PNPT1: variants seen among roughly 807,000 people sequenced by gnomAD.
The protein encoded by PNPT1 is polyribonucleotide nucleotidyltransferase 1, mitochondrial.
In PNPT1, 53 loss-of-function variants were observed where a neutral mutation model predicts 119.5. The ratio of observed to expected loss-of-function variants is 0.44; its 90% CI spans 0.36 to 0.56. The LOEUF (loss-of-function observed/expected upper bound fraction) is 0.56, where lower values mean the gene tolerates loss of function less well. Ranked by LOEUF, PNPT1 falls within the 20% of genes least tolerant of loss-of-function variation. The pLI is 0.00. For missense variants in PNPT1, 948 were observed against 938.5 expected (o/e 1.01, Z -0.13); for synonymous variants, 357 against 322.1 (o/e 1.11, Z -1.16).
rs767608725 is a variant in PNPT1, at chr2:55,643,177, C to T, written c.2050G>A (p.Ala684Thr). The T allele has an allele frequency of 7.4e-6, 12 of 1,614,008 alleles. No homozygotes were observed. Among genetic ancestry groups the T allele is most frequent in the East Asian group, 4.5e-5 (2 of 44,878 alleles). ...QQLEFGAVYT[A>T]TITEIRDTGV... ...TATTACCTGATTTCAGTTATTGTGG[C>T]GGTATATACTGCTCCAAATTCTAAT... The change falls in exon 25 of 28, where the codon GCC (alanine) becomes ACC (threonine). Residue 684 changes from alanine to threonine, a missense_variant. Physicochemically the swap from Ala to Thr is moderately conservative, Grantham distance 58. Coordinates refer to ENST00000447944, the MANE Select transcript of PNPT1 (RefSeq NM_033109.5).
At chr2:55,681,925 G>A (rs1004222310) in intron 5 of PNPT1, among the ~76,000 whole-genome samples, 2 of 151,588 alleles carry the variant, frequency 1.3e-5, no homozygotes, top group South Asian at 2.1e-4. Context: ...GCAGATCACG[G>A]GGTCAGGAGA....
chr2:55,687,519 T>G (rs1213780445), intron 2 of PNPT1, 126 bp downstream of exon 2: 9 of 684,154 alleles, frequency 1.3e-5, no homozygotes, highest in Non-Finnish European at 2.0e-5. Context: ...AGAAATTATC[T>G]TAGTAGTATC....
At chr2:55,684,772 T>C (rs184357590) in intron 4 of PNPT1, among the ~76,000 whole-genome samples, 171 bp downstream of exon 4, 3 of 152,358 alleles carry the variant, frequency 2.0e-5, no homozygotes, top group African/African-American at 7.2e-5. Context: ...TAAAAGTTTT[T>C]TCTTTCACAG....
At chr2:55,678,771 C>T (rs944620845) in intron 8 of PNPT1, among the ~76,000 whole-genome samples, 33 of 152,134 alleles carry the variant, frequency 2.2e-4, no homozygotes, top group African/African-American at 7.7e-4. Context: ...TTATTTGGTT[C>T]GACAACACAA....
intron 1 of PNPT1, among the ~76,000 whole-genome samples, 180 bp from the exon 2 acceptor site, chr2:55,687,885 T>C (rs902587208): frequency 1.2e-4 from 19 of 152,250 alleles, no homozygotes; most frequent in Middle Eastern, 3.4e-3. Context: ...TAAGAGTGGC[T>C]TAAAGAAGAA....
intron 5 of PNPT1, among the ~76,000 whole-genome samples, chr2:55,681,508 T>G (rs757107574): frequency 6.6e-6 from 1 of 151,992 alleles, no homozygotes; most frequent in Admixed American, 6.6e-5. Flanking sequence ...AGTCCTCGCA[T>G]GTTGCAAGTA....
chr2:55,693,296 G>A (rs1227450126), intron 1 of PNPT1, among the ~76,000 whole-genome samples: 1 of 152,152 alleles, frequency 6.6e-6, no homozygotes, highest in Non-Finnish European at 1.5e-5. Context: ...CAGCTTCCAG[G>A]GTCCGGGCCA....
chr2:55,644,908 C>G, intron 22 of PNPT1, 188 bp from the exon 23 acceptor site: 1 of 432,044 alleles, frequency 2.3e-6, no homozygotes, highest in African/African-American at 2.0e-5. Context: ...AAATTTAAAG[C>G]ATTTTAACTA....
rs182892738 is a variant in PNPT1 at position 55,650,036 on chromosome 2, G to C, written c.1496-2583C>G. Among the ~76,000 whole-genome samples the C allele has an allele frequency of 8.3e-4, 127 of 152,284 alleles. No individual in the cohort carries two copies. In the East Asian group the frequency reaches 0.016, roughly 19 times the overall value. On this transcript the variant is annotated intron_variant, in intron 18 of 27. Transcript: ENST00000447944. ...GCTTTCTTGAGGCACTGCCTCTCGA[G>C]TCCCTACCTCAAACTCCACTTCAAA... is the stretch of plus-strand genomic sequence containing the variant.
chr2:55,686,362 A>C lies in PNPT1; in HGVS notation c.297+8T>G, dbSNP rs1302548459. ...TATTACAGTTCAGATAAATCAGCAAATACTTACCACCAAAGGCATAAACTG... is the reference window on the plus strand; with the variant it reads ...TATTACAGTTCAGATAAATCAGCAACTACTTACCACCAAAGGCATAAACTG... On this transcript the variant is annotated splice_region_variant and intron_variant, in intron 3 of 27. Coordinates refer to ENST00000447944, the MANE Select transcript of PNPT1 (RefSeq NM_033109.5). 3 of 1,602,976 alleles carry C rather than the reference A, an allele frequency of 1.9e-6. No homozygotes were observed. The highest frequency in any genetic ancestry group is 2.6e-6 in the Non-Finnish European group (3 of 1,169,920).
At chr2:55,643,067 T>G in intron 25 of PNPT1, 91 bp downstream of exon 25, 1 of 1,362,474 alleles carries the variant, frequency 7.3e-7, no homozygotes, top group Non-Finnish European at 1.0e-6. Flanking sequence ...TGAGGTACAA[T>G]GGCACCACTG....
At chr2:55,689,109 A>C (rs948579509) in intron 1 of PNPT1, among the ~76,000 whole-genome samples, 5 of 152,258 alleles carry the variant, frequency 3.3e-5, no homozygotes, top group African/African-American at 1.2e-4. Flanking sequence ...AGCTGATTTC[A>C]TCAAAATTTA....
chr2:55,671,431 CT>C, intron 10 of PNPT1, 55 bp from the exon 11 acceptor site: 2 of 1,084,776 alleles, frequency 1.8e-6, no homozygotes, highest in Non-Finnish European at 1.3e-6. Context: ...TTTAATATTT[CT>C]GTTTTCTAAT....
rs534969228 is a variant in PNPT1, at chr2:55,673,517, C to T, written c.680-438G>A. ...ACGCTGGAGTGCAGTGGCGCAATCT[C>T]GGCTCACTGCCAGCTCTGCCTCCCA... On this transcript the variant is annotated intron_variant, in intron 8 of 27. Transcript: ENST00000447944. 3.4e-4 allele frequency among the ~76,000 whole-genome samples: 52 copies of T among 151,156 alleles called. 1 individual carries two copies. The highest frequency in any genetic ancestry group is 1.0e-3 in the African/African-American group (43 of 41,152).
At chr2:55,677,915 G>C (rs372269900) in intron 8 of PNPT1, among the ~76,000 whole-genome samples, 2 of 151,658 alleles carry the variant, frequency 1.3e-5, no homozygotes, top group Non-Finnish European at 2.9e-5. Context: ...ATTTTTTTTT[G>C]TATTTTTAGT....
intron 14 of PNPT1, among the ~76,000 whole-genome samples, chr2:55,660,417 C>T (rs1409124630): frequency 6.6e-6 from 1 of 152,150 alleles, no homozygotes; most frequent in African/African-American, 2.4e-5. Context: ...ACCAATTTTA[C>T]TTTAAATATA....
intron 3 of PNPT1, 62 bp from the exon 4 acceptor site, chr2:55,685,110 GA>G: frequency 8.0e-7 from 1 of 1,244,860 alleles, no homozygotes; most frequent in Admixed American, 2.4e-5. Flanking sequence ...TATACTGTAT[GA>G]ATGCTAATTC....
At chr2:55,637,805 G>C (rs1337093405) in intron 26 of PNPT1, among the ~76,000 whole-genome samples, 2 of 151,914 alleles carry the variant, frequency 1.3e-5, no homozygotes, top group Non-Finnish European at 2.9e-5. Context: ...GACCATCTCT[G>C]GAGGTCAGGA....
chr2:55,690,938 A>G (rs1697578178), intron 1 of PNPT1, among the ~76,000 whole-genome samples: 1 of 152,234 alleles, frequency 6.6e-6, no homozygotes, highest in Non-Finnish European at 1.5e-5. Context: ...ATCAGTATTA[A>G]GTAATGGTTT....
Sources: gnomAD v4.1 joint callset for allele counts (sites outside exome capture counted in the v4.1 genomes callset) on GRCh38, gnomAD v4.1.1 for gene constraint, MANE v1.5 for transcripts, NCBI Gene and HGNC (gene_info 2026-07-23, HGNC 2026-07-21) for gene names.